TCF20: variants seen among roughly 807,000 people sequenced by gnomAD.
The protein encoded by TCF20 is transcription factor 20, also known as SPRE-binding protein.
TCF20 carries 3 observed loss-of-function variants against 148.6 expected under a neutral mutation model. The observed-to-expected ratio is 0.02, with a 90% CI of 0.01 to 0.05. TCF20 has a LOEUF of 0.05. TCF20 is among the 10% of genes least tolerant of loss of function. The probability of loss-of-function intolerance (pLI) is 1.00; values close to 1 mark genes in which losing one functional copy is unlikely to be tolerated. For synonymous variants in TCF20, 1,049 were observed against 909.5 expected (o/e 1.15, Z -2.76); for missense variants, 2,350 against 2,429.3 (o/e 0.97, Z 0.69).
chr22:42,168,841 A>T lies in TCF20; in HGVS notation c.5800-105T>A, dbSNP rs557688498. The T allele has an allele frequency of 2.1e-6, 3 of 1,411,822 alleles. No individual in the cohort carries two copies. The South Asian group carries it at 4.4e-5, about 20-fold the overall frequency. The allele number at this position is 1,411,822 out of a possible 1,614,324, so 87.5% of individuals were successfully genotyped here. A position where few individuals can be genotyped will look rare whatever the true frequency, so the allele number is the denominator to read the frequency against. On this transcript the variant is annotated intron_variant, in intron 4 of 5. Transcript: ENST00000677622. ...GAGTGGCACATGGAAAAGGAAAGAA[A>T]AGGCAGAGTCAGTCCTGACCGACAA...
intron 1 of TCF20, among the ~76,000 whole-genome samples, chr22:42,262,178 G>T (rs1926063257): frequency 1.3e-5 from 2 of 152,198 alleles, no homozygotes; most frequent in African/African-American, 2.4e-5. Context: ...ACCATTAAAA[G>T]ATTTTAAGCA....
At chr22:42,169,998 C>T (rs1323898349) in intron 3 of TCF20, 102 bp from the exon 4 acceptor site, 24 of 1,140,528 alleles carry the variant, frequency 2.1e-5, no homozygotes, top group Non-Finnish European at 2.7e-5. Flanking sequence ...GGTAGCAGGT[C>T]GCTACACTTA....
At chr22:42,215,930 C>G (rs1036562534) in intron 1 of TCF20, among the ~76,000 whole-genome samples, 17 of 151,994 alleles carry the variant, frequency 1.1e-4, no homozygotes, top group Admixed American at 6.6e-5. Flanking sequence ...TCTCATATAT[C>G]TAATAATGCC....
intron 1 of TCF20, among the ~76,000 whole-genome samples, chr22:42,230,408 G>C (rs1013832612): frequency 2.6e-5 from 4 of 152,130 alleles, no homozygotes; most frequent in African/African-American, 7.2e-5. Flanking sequence ...CATAATACTT[G>C]AAAATAAACT....
At chr22:42,280,310 C>T (rs764893751) in intron 1 of TCF20, among the ~76,000 whole-genome samples, 2 of 152,012 alleles carry the variant, frequency 1.3e-5, no homozygotes, top group South Asian at 2.1e-4. Context: ...CAAGGCCCCA[C>T]GGTGTGTAGG....
At chr22:42,333,637 C>T (rs564340755) in intron 1 of TCF20, among the ~76,000 whole-genome samples, 1 of 152,368 alleles carries the variant, frequency 6.6e-6, no homozygotes, top group Non-Finnish European at 1.5e-5. Context: ...TGTGAGCCAG[C>T]TTGCCCCTCG....
At chr22:42,289,628 G>A (rs1927096635) in intron 1 of TCF20, among the ~76,000 whole-genome samples, 1 of 152,234 alleles carries the variant, frequency 6.6e-6, no homozygotes, top group South Asian at 2.1e-4. Context: ...ATGTGGGTCT[G>A]TGACCCTGAA....
At chr22:42,205,898 A>C (rs9623540) in intron 2 of TCF20, among the ~76,000 whole-genome samples, 6,153 of 152,242 alleles carry the variant, frequency 0.04, 418 homozygotes, top group African/African-American at 0.14. Context: ...CAGCCTCCCG[A>C]GTAGCTGGGA....
chr22:42,189,875 C>T (rs1937242366), intron 2 of TCF20, among the ~76,000 whole-genome samples: 1 of 152,150 alleles, frequency 6.6e-6, no homozygotes, highest in Non-Finnish European at 1.5e-5. Flanking sequence ...CAAATTTAGG[C>T]AGTCTAAAAA....
rs1927531917 is a variant in TCF20, at chr22:42,311,263, G to A, written c.-37+32216C>T. Among the ~76,000 whole-genome samples the A allele has an allele frequency of 2.0e-5, 3 of 152,260 alleles. No individual in the cohort carries two copies. The South Asian group carries it at 6.2e-4, about 31-fold the overall frequency. On this transcript the variant is annotated intron_variant, in intron 1 of 1. Transcript: ENST00000515426. ...GCAGTCAGGGAGGCAGAAGGGGGCT[G>A]CCTAAGTGCTTCATCTCCTGGCACC...
rs1418214168 is a variant in TCF20 at position 42,310,291 on chromosome 22, C to CT, written c.-37+33187dup. On this transcript the variant is annotated intron_variant, in intron 1 of 1. Coordinates refer to the TCF20 transcript ENST00000515426. ...TGTTGGCACATTCATCTAACACTTG[C>CT]TAAGGGCCTACTATGTGCCAGGTCC... Among the ~76,000 whole-genome samples, 18 of 152,268 alleles carry CT rather than the reference C, an allele frequency of 1.2e-4. No individual in the cohort carries two copies. In the East Asian group the frequency reaches 2.7e-3, roughly 23 times the overall value.
intron 2 of TCF20, among the ~76,000 whole-genome samples, chr22:42,203,819 GCA>G (rs1938205011): frequency 6.6e-6 from 1 of 152,142 alleles, no homozygotes; most frequent in African/African-American, 2.4e-5. Flanking sequence ...GTTGTAGCAA[GCA>G]CAGAGGAAGA....
chr22:42,239,862 A>G (rs1216925634), intron 1 of TCF20, among the ~76,000 whole-genome samples: 1 of 152,248 alleles, frequency 6.6e-6, no homozygotes, highest in African/African-American at 2.4e-5. Context: ...TGGCACAAAG[A>G]CACAAAGTGA....
chr22:42,218,482 C>T (rs367976814), intron 1 of TCF20, among the ~76,000 whole-genome samples: 1 of 152,166 alleles, frequency 6.6e-6, no homozygotes, highest in Admixed American at 6.5e-5. Flanking sequence ...CTGCTCTACT[C>T]CTCAGTGCCA....
At chr22:42,198,228 G>A (rs1937713418) in intron 2 of TCF20, among the ~76,000 whole-genome samples, 1 of 152,214 alleles carries the variant, frequency 6.6e-6, no homozygotes, top group Non-Finnish European at 1.5e-5. Flanking sequence ...TATCTACACT[G>A]TGATGATGGA....
chr22:42,253,291 G>A (rs1569188021), intron 1 of TCF20, among the ~76,000 whole-genome samples: 1 of 152,110 alleles, frequency 6.6e-6, no homozygotes, highest in African/African-American at 2.4e-5. Context: ...TAGTAGAGAC[G>A]CTACTTGAGT....
Position 42,297,789 on chromosome 22 carries a change from C to A in TCF20, c.-37+45690G>T. ...GGTCGCATCCCCCCACCAGCTGGGGCCCCTGTCAGGCAGGGCCCAGCATTC... is the reference window on the plus strand; with the variant it reads ...GGTCGCATCCCCCCACCAGCTGGGGACCCTGTCAGGCAGGGCCCAGCATTC... On this transcript the variant is annotated intron_variant, in intron 1 of 1. Transcript: ENST00000515426. The surrounding 1 kb of genome is among the most constrained non-coding windows in gnomAD (Gnocchi z 4.3). 6.6e-6 allele frequency among the ~76,000 whole-genome samples: 1 copy of A among 152,194 alleles called. No homozygotes were observed. The highest frequency in any genetic ancestry group is 1.5e-5 in the Non-Finnish European group (1 of 68,038).
chr22:42,164,102 C>T (rs560689347), intron 5 of TCF20, among the ~76,000 whole-genome samples: 1 of 152,166 alleles, frequency 6.6e-6, no homozygotes, highest in Non-Finnish European at 1.5e-5. Flanking sequence ...CTAATTCCGA[C>T]TAGAGAGGGA....
upstream of TCF20, among the ~76,000 whole-genome samples, chr22:42,284,054 C>G (rs999018611): frequency 2.6e-5 from 4 of 152,180 alleles, no homozygotes; most frequent in East Asian, 7.7e-4. Context: ...TCAGCTGAGC[C>G]TCTGACATCA....
Sources: allele counts gnomAD v4.1 joint callset (sites outside exome capture counted in the v4.1 genomes callset), GRCh38; gene constraint gnomAD v4.1.1; non-coding constraint Gnocchi (gnomAD v3.1); transcripts MANE v1.5; gene names NCBI Gene and HGNC (gene_info 2026-07-23, HGNC 2026-07-21).